The following ATP7B variants were observed in gnomAD, a reference collection of about 807,000 sequenced individuals.
ATP7B encodes ATPase copper transporting beta, also known as copper-transporting ATPase 2.
In ATP7B, 113 loss-of-function variants were observed where a neutral mutation model predicts 118.9. That is an observed-to-expected ratio of 0.95 (90% confidence interval 0.82 to 1.11). The LOEUF is 1.11. ATP7B is among the 50% of genes most tolerant of loss of function. The probability of loss-of-function intolerance (pLI) is 0.00; values close to 1 mark genes in which losing one functional copy is unlikely to be tolerated. For missense variants in ATP7B, 1,867 were observed against 1,871.4 expected (o/e 1.00, Z 0.04); for synonymous variants, 777 against 727.4 (o/e 1.07, Z -1.10).
At chr13:52,011,832 G>C (rs989888905), upstream of ATP7B, among the ~76,000 whole-genome samples, 2 of 152,256 alleles carry the variant, frequency 1.3e-5, no homozygotes, top group Non-Finnish European at 2.9e-5. Flanking sequence ...GGGAGCGGGA[G>C]GGCAGGTGAG....
intron 5 of ATP7B, 134 bp downstream of exon 5, chr13:51,964,738 C>T: frequency 9.0e-7 from 1 of 1,105,176 alleles, no homozygotes; most frequent in Non-Finnish European, 1.3e-6. Context: ...AATGACTGAG[C>T]TTATTTCCAT....
In ATP7B at chr13:51,946,337, C is replaced by T. The variant is rs201497300; in HGVS notation, c.3007G>A (p.Ala1003Thr). 27 of 1,609,026 alleles carry T rather than the reference C, an allele frequency of 1.7e-5. No individual in the cohort carries two copies. The highest frequency in any genetic ancestry group is 1.0e-4 in the South Asian group (9 of 90,320). Residue 1003 changes from alanine (A) to threonine (T), a missense_variant, in exon 13 of 21, where the codon GCG becomes ACG. Physicochemically the swap from Ala to Thr is moderately conservative, Grantham distance 58. Coordinates refer to ENST00000242839, the MANE Select transcript of ATP7B (RefSeq NM_000053.4). ...TAVMVGTGVA[A>T]QNGILIKGGK... ...CCCTTGATGAGGATGCCGTTCTGCG[C>T]GGCCACCCCGGTGCCCACCATGACA...
chr13:51,946,708 G>T, intron 12 of ATP7B: 1 of 599,534 alleles, frequency 1.7e-6, no homozygotes, highest in South Asian at 1.9e-5. Context: ...AGGCATTACA[G>T]GAGCAGAGTC....
At chr13:51,937,160 T>G in intron 19 of ATP7B, 116 bp downstream of exon 19, 1 of 929,756 alleles carries the variant, frequency 1.1e-6, no homozygotes, top group Non-Finnish European at 1.7e-6. Flanking sequence ...AAAAACAGCC[T>G]TTCTAAAACG....
chr13:51,934,917 A>C lies in ATP7B; in HGVS notation c.4237T>G (p.Ser1413Ala), dbSNP rs759353316. ...TGGTCCCATGGTGTGGCCCTGGGGG[A>C]GTCCCGCCACCTGTCATCCATGCCT... ...HIGMDDRWRD[S>A]PRATPWDQVS... Residue 1413 changes from serine (S) to alanine (A), a missense_variant, in exon 21 of 21, where the codon TCC becomes GCC. Transcript: ENST00000242839. 1 of 1,613,982 alleles carries C rather than the reference A, an allele frequency of 6.2e-7. No homozygotes were observed. Among genetic ancestry groups the C allele is most frequent in the Non-Finnish European group, 8.5e-7 (1 of 1,180,024 alleles).
chr13:51,974,668 G>T lies in ATP7B; in HGVS notation c.552C>A (p.Val184=). 1 of 1,611,140 alleles carries T rather than the reference G, an allele frequency of 6.2e-7. No individual in the cohort carries two copies. The highest frequency in any genetic ancestry group is 1.3e-5 in the African/African-American group (1 of 74,932). ...VKVSLSNQEA[V]ITYQPYLIQP... ...GAATGAGATAAGGCTGATAAGTGATGACGGCCTCTTGGTTGCTGAGTGAGA... is the reference window on the plus strand; with the variant it reads ...GAATGAGATAAGGCTGATAAGTGATTACGGCCTCTTGGTTGCTGAGTGAGA... Residue 184 remains valine, a synonymous_variant, in exon 2 of 21, where the codon GTC becomes GTA. Transcript: ENST00000242839.
intron 6 of ATP7B, among the ~76,000 whole-genome samples, chr13:51,961,443 A>G (rs1337471992): frequency 1.3e-5 from 2 of 152,094 alleles, no homozygotes; most frequent in African/African-American, 2.4e-5. Flanking sequence ...CCATGCAAAT[A>G]AAGTCTGAAA....
At chr13:51,943,564 T>C (rs949823047) in intron 14 of ATP7B, among the ~76,000 whole-genome samples, 1 of 152,162 alleles carries the variant, frequency 6.6e-6, no homozygotes, top group African/African-American at 2.4e-5. Flanking sequence ...TGCCCCTATA[T>C]TCAGACTGAA....
intron 1 of ATP7B, among the ~76,000 whole-genome samples, chr13:52,000,591 C>T (rs1037626676): frequency 9.2e-5 from 14 of 152,328 alleles, no homozygotes; most frequent in South Asian, 6.2e-4. Context: ...TCATATGCAT[C>T]GCAAACTTAA....
intron 2 of ATP7B, among the ~76,000 whole-genome samples, chr13:51,971,115 G>A (rs1012668700): frequency 5.9e-5 from 9 of 152,138 alleles, no homozygotes; most frequent in Non-Finnish European, 8.8e-5. Flanking sequence ...AACAAATCAC[G>A]CTGGCCGCAA....
intron 1 of ATP7B, among the ~76,000 whole-genome samples, chr13:52,004,337 A>G (rs1417025018): frequency 6.6e-6 from 1 of 152,244 alleles, no homozygotes; most frequent in Non-Finnish European, 1.5e-5. Context: ...ACACGGCTGC[A>G]GCACCAACAA....
intron 1 of ATP7B, among the ~76,000 whole-genome samples, chr13:51,994,331 C>T (rs1056271361): frequency 2.0e-5 from 3 of 152,158 alleles, no homozygotes; most frequent in Non-Finnish European, 4.4e-5. Flanking sequence ...CACCTCACTT[C>T]CCTCCCCTAA....
chr13:51,961,585 C>A (rs1361043014), intron 6 of ATP7B, among the ~76,000 whole-genome samples: 2 of 152,222 alleles, frequency 1.3e-5, no homozygotes, highest in Non-Finnish European at 2.9e-5. Context: ...GTCACACTAG[C>A]TGCATTTGAA....
At chr13:51,988,929 A>T (rs1952787622) in intron 1 of ATP7B, among the ~76,000 whole-genome samples, 1 of 151,948 alleles carries the variant, frequency 6.6e-6, no homozygotes, top group Admixed American at 6.6e-5. Context: ...TAGGGGAGGG[A>T]TACCATTAGG....
At position 51,934,839 on chromosome 13, in the gene ATP7B, A is replaced by C. The variant is rs1454806333; in HGVS notation, c.4315T>G (p.Ser1439Ala). Residue 1439 changes from serine to alanine, a missense_variant, in exon 21 of 21, where the codon TCT becomes GCT. Coordinates refer to ENST00000242839, the MANE Select transcript of ATP7B (RefSeq NM_000053.4). ...SLSSLTSDKP[S>A]RHSAAADDDG... ...TCGTCTGCTGCAGCGCTGTGCCGAG[A>C]TGGCTTGTCGGACGTCAGGGAGGAC... is the stretch of plus-strand genomic sequence containing the variant. The C allele has an allele frequency of 1.2e-6, 2 of 1,614,194 alleles. No homozygotes were observed. The highest frequency in any genetic ancestry group is 1.7e-6 in the Non-Finnish European group (2 of 1,180,042).
At position 51,960,309 on chromosome 13, in the gene ATP7B, A is replaced by G. The variant is rs1337197027; in HGVS notation, c.1960T>C (p.Phe654Leu). 2 of 1,613,472 alleles carry G rather than the reference A, an allele frequency of 1.2e-6. No homozygotes were observed. Among genetic ancestry groups the G allele is most frequent in the Non-Finnish European group, 1.7e-6 (2 of 1,179,850 alleles). Residue 654 changes from phenylalanine to leucine, a missense_variant, in exon 7 of 21, where the codon TTC (phenylalanine) becomes CTC (leucine). Phe to Leu is a conservative substitution (Grantham distance 22). Coordinates refer to ENST00000242839, the MANE Select transcript of ATP7B (RefSeq NM_000053.4). Reference sequence around the variant, plus strand: ...ATGCCAAACACCAGGCTGCACAGGAAAGACTTCTTCCACCTGGAAAGCAAA... The same window carrying G: ...ATGCCAAACACCAGGCTGCACAGGAGAGACTTCTTCCACCTGGAAAGCAAA... ...KMEIKQWKKS[F>L]LCSLVFGIPV...
At chr13:51,957,473 T>G in intron 9 of ATP7B, 43 bp downstream of exon 9, 1 of 1,573,356 alleles carries the variant, frequency 6.4e-7, no homozygotes, top group African/African-American at 1.3e-5. Context: ...TCACACAGAT[T>G]GATAGATACC....
At chr13:51,978,707 T>C (rs1375435632) in intron 1 of ATP7B, 2 of 152,214 alleles carry the variant, frequency 1.3e-5, no homozygotes, top group Admixed American at 6.5e-5. Flanking sequence ...TGATATCTAA[T>C]ATACTGCTCA....
chr13:51,999,455 T>G (rs1415717000), intron 1 of ATP7B, among the ~76,000 whole-genome samples: 20 of 152,146 alleles, frequency 1.3e-4, no homozygotes, highest in Non-Finnish European at 2.2e-4. Context: ...GAAGGAGTGC[T>G]CTTAAATAAA....
Sources: allele counts gnomAD v4.1 joint callset (sites outside exome capture counted in the v4.1 genomes callset), GRCh38; gene constraint gnomAD v4.1.1; transcripts MANE v1.5; gene names NCBI Gene and HGNC (gene_info 2026-07-23, HGNC 2026-07-21).